The following FMO1 variants were observed in gnomAD, a reference collection of about 807,000 sequenced individuals.
FMO1 encodes the protein flavin containing dimethylaniline monoxygenase 1, also known as flavin-containing monooxygenase 1.
A neutral mutation model predicts 45.4 loss-of-function variants in FMO1; 36 were observed. The ratio of observed to expected loss-of-function variants is 0.79; its 90% CI spans 0.61 to 1.05. The LOEUF (loss-of-function observed/expected upper bound fraction) is 1.05, where lower values mean the gene tolerates loss of function less well. FMO1 is among the 50% of genes least tolerant of loss of function. The probability of loss-of-function intolerance (pLI) is 0.00; values close to 1 mark genes in which losing one functional copy is unlikely to be tolerated. For missense variants in FMO1, 615 were observed against 640.3 expected (o/e 0.96, Z 0.43); for synonymous variants, 228 against 227.2 (o/e 1.00, Z -0.03).
chr1:171,261,692 TGG>T (rs758728289), intron 2 of FMO1, among the ~76,000 whole-genome samples: 13 of 151,918 alleles, frequency 8.6e-5, no homozygotes, highest in Non-Finnish European at 1.8e-4. Flanking sequence ...AAGACCTGCC[TGG>T]GCAATATAAC....
At chr1:171,274,435 T>G (rs1661017113) in intron 3 of FMO1, among the ~76,000 whole-genome samples, 1 of 151,802 alleles carries the variant, frequency 6.6e-6, no homozygotes, top group Admixed American at 6.5e-5. Flanking sequence ...TAATTTTTTG[T>G]ATTTTTTTTG....
Position 171,248,629 on chromosome 1 carries a change from T to G in FMO1, c.-7+6T>G, listed in dbSNP as rs921852387. 1 of 152,104 alleles carries G rather than the reference T, an allele frequency of 6.6e-6. No individual in the cohort carries two copies. Among genetic ancestry groups the G allele is most frequent in the South Asian group, 2.1e-4 (1 of 4,828 alleles). 9.4% of individuals were successfully genotyped at this position (152,104 alleles called of 1,614,324 possible). A position where few individuals can be genotyped will look rare whatever the true frequency, so the allele number is the denominator to read the frequency against. ...AGAAATTACAAGTACGTAAAGTAAGTAACCAGATATAATCTCTGATTTCTT... is the reference window on the plus strand; with the variant it reads ...AGAAATTACAAGTACGTAAAGTAAGGAACCAGATATAATCTCTGATTTCTT... On this transcript the variant is annotated splice_donor_region_variant and intron_variant, in intron 1 of 8. Transcript: ENST00000617670.
intron 3 of FMO1, 91 bp from the exon 4 acceptor site, chr1:171,275,255 T>C: frequency 9.8e-7 from 1 of 1,022,518 alleles, no homozygotes; most frequent in Non-Finnish European, 1.5e-6. Flanking sequence ...TTCTGTGTTC[T>C]AGAACTTTTA....
chr1:171,259,901 G>A (rs569615006), intron 2 of FMO1, among the ~76,000 whole-genome samples: 1 of 152,224 alleles, frequency 6.6e-6, no homozygotes, highest in Non-Finnish European at 1.5e-5. Context: ...CTCAGGAGCT[G>A]TCAGGTAGAT....
At chr1:171,263,535 C>T (rs531093327) in intron 2 of FMO1, among the ~76,000 whole-genome samples, 1 of 149,216 alleles carries the variant, frequency 6.7e-6, no homozygotes, top group East Asian at 1.9e-4. Context: ...GTGATGGTGA[C>T]CTCCCAACTG....
At chr1:171,281,116 A>T in intron 6 of FMO1, 131 bp downstream of exon 6, 1 of 695,978 alleles carries the variant, frequency 1.4e-6, no homozygotes, top group Admixed American at 2.6e-5. Context: ...AATTTGCTTG[A>T]TAATAACAGC....
In FMO1 at chr1:171,271,381, T is replaced by C; in HGVS notation, c.321+3650T>C. ...TTAGGTTTTCACTTCTCTTTCATAA[T>C]GGGCCTTGTCACCTTTGCCATATCT... On this transcript the variant is annotated intron_variant, in intron 3 of 8. Transcript: ENST00000617670. 5.1e-6 allele frequency: 6 copies of C among 1,185,734 alleles called. 1 individual carries two copies. In the South Asian group the frequency reaches 7.4e-5, roughly 15 times the overall value. The allele number at this position is 1,185,734 out of a possible 1,614,324, so 73.5% of individuals were successfully genotyped here.
chr1:171,251,170 A>T (rs1484711766), intron 1 of FMO1, among the ~76,000 whole-genome samples: 1 of 152,206 alleles, frequency 6.6e-6, no homozygotes, highest in Non-Finnish European at 1.5e-5. Flanking sequence ...TGGGAAGTCC[A>T]TAATATCAAT....
chr1:171,274,445 G>A (rs1217004352), intron 3 of FMO1, among the ~76,000 whole-genome samples: 2 of 151,136 alleles, frequency 1.3e-5, no homozygotes, highest in East Asian at 1.9e-4. Context: ...TATTTTTTTT[G>A]TAAAGATGGG....
At chr1:171,263,775 C>T (rs550493413) in intron 2 of FMO1, among the ~76,000 whole-genome samples, 1 of 152,272 alleles carries the variant, frequency 6.6e-6, no homozygotes, top group Admixed American at 6.5e-5. Flanking sequence ...GGTACAATTC[C>T]CAGAGTGTCT....
intron 3 of FMO1, among the ~76,000 whole-genome samples, chr1:171,269,453 T>A (rs1481726648): frequency 3.3e-5 from 5 of 151,974 alleles, no homozygotes; most frequent in South Asian, 4.2e-4. Flanking sequence ...TTTTTTGTTT[T>A]AAAAAAAACC....
intron 2 of FMO1, among the ~76,000 whole-genome samples, chr1:171,260,369 T>G (rs12756745): frequency 6.6e-6 from 1 of 151,966 alleles, no homozygotes; most frequent in Non-Finnish European, 1.5e-5. Flanking sequence ...TAAATCCAAA[T>G]TGAGACACAA....
intron 8 of FMO1, 36 bp from the exon 9 acceptor site, chr1:171,285,166 G>T (rs746870598): frequency 5.8e-6 from 8 of 1,384,240 alleles, no homozygotes; most frequent in Admixed American, 4.4e-5. Flanking sequence ...CAGTTTTTTT[G>T]TCTTCACCTT....
chr1:171,282,270 C>A lies in FMO1; in HGVS notation c.1120C>A (p.Pro374Thr), dbSNP rs1436370234. 3 of 1,613,802 alleles carry A rather than the reference C, an allele frequency of 1.9e-6. No individual in the cohort carries two copies. Among genetic ancestry groups the A allele is most frequent in the Non-Finnish European group, 2.5e-6 (3 of 1,179,904 alleles). ...CCTGGCCATTATTGGCCTCATCAAA[C>A]CCTTGGGCTCCATGATACCTACAGG... Reference protein sequence around the residue: ...PTLAIIGLIKPLGSMIPTGET... With the variant: ...PTLAIIGLIKTLGSMIPTGET... Residue 374 changes from proline (P) to threonine (T), a missense_variant, in exon 7 of 9, where the codon CCC becomes ACC. Pro to Thr is a conservative substitution (Grantham distance 38). Coordinates refer to ENST00000617670, the MANE Select transcript of FMO1 (RefSeq NM_001282693.2).
In FMO1 at chr1:171,258,224, G is replaced by A. The variant is rs1293202548; in HGVS notation, c.132+5G>A. 5 of 1,613,890 alleles carry A rather than the reference G, an allele frequency of 3.1e-6. No homozygotes were observed. The African/African-American group carries it at 5.3e-5, about 17-fold the overall frequency. ...GGGGGGCTGTGGAGATTCACCGTAA[G>A]TGGGGTTTCAACAACTTTATCTGTC... is the stretch of plus-strand genomic sequence containing the variant. On this transcript the variant is annotated splice_donor_5th_base_variant and intron_variant, in intron 2 of 8. Transcript: ENST00000617670.
At chr1:171,284,740 A>AT (rs1661547176) in intron 8 of FMO1, among the ~76,000 whole-genome samples, 1 of 151,422 alleles carries the variant, frequency 6.6e-6, no homozygotes, top group Admixed American at 6.6e-5. Context: ...AAAAAAAAAA[A>AT]AAAGAAAAAA....
rs779282675 is a variant in FMO1 at position 171,267,674 on chromosome 1, G to A, written c.264G>A (p.Leu88=). 20 of 1,613,862 alleles carry A rather than the reference G, an allele frequency of 1.2e-5. No homozygotes were observed. The South Asian group carries it at 2.2e-4, about 18-fold the overall frequency. Residue 88 remains leucine, a synonymous_variant, in exon 3 of 9, where the codon CTG becomes CTA. Transcript: ENST00000617670. ...ACTATGTGCCAAATTCTCAATTCCT[G>A]GAATATCTCAAAATGTATGCAAACC... ...YPNYVPNSQF[L]EYLKMYANHF...
At chr1:171,272,491 C>T (rs1310213153) in intron 3 of FMO1, among the ~76,000 whole-genome samples, 12 of 152,174 alleles carry the variant, frequency 7.9e-5, no homozygotes, top group Admixed American at 7.9e-4. Context: ...CTTGCATGTG[C>T]CTGGAAAAGC....
chr1:171,284,264 T>C (rs1661525187), intron 8 of FMO1, among the ~76,000 whole-genome samples: 1 of 151,902 alleles, frequency 6.6e-6, no homozygotes, highest in Non-Finnish European at 1.5e-5. Context: ...ATTCCCAAAC[T>C]TCAAGGGTTG....
Sources: gnomAD v4.1 joint callset for allele counts (sites outside exome capture counted in the v4.1 genomes callset) on GRCh38, gnomAD v4.1.1 for gene constraint, MANE v1.5 for transcripts, NCBI Gene and HGNC (gene_info 2026-07-23, HGNC 2026-07-21) for gene names.